The following RPH3A variants were observed in gnomAD, a reference collection of about 807,000 sequenced individuals.
RPH3A encodes rabphilin-3A.
RPH3A carries 48 observed loss-of-function variants against 102.2 expected under a neutral mutation model. That is an observed-to-expected ratio of 0.47 (90% CI 0.37 to 0.60). The LOEUF is 0.60. Ranked by LOEUF, RPH3A falls within the 20% of genes least tolerant of loss-of-function variation. The probability of loss-of-function intolerance (pLI) is 0.00; values close to 1 mark genes in which losing one functional copy is unlikely to be tolerated. For missense variants in RPH3A, 781 were observed against 910.1 expected, an observed-to-expected ratio of 0.86 and a Z score of 1.83; for synonymous variants, 310 against 324.3, an observed-to-expected ratio of 0.96 and a Z score of 0.47.
At chr12:112,740,927 T>C (rs925315709) in intron 1 of RPH3A, among the ~76,000 whole-genome samples, 1 of 152,188 alleles carries the variant, frequency 6.6e-6, no homozygotes, top group Non-Finnish European at 1.5e-5. Context: ...TCATGTATTG[T>C]AGGATGTCCA....
chr12:112,734,430 G>C (rs979178000), intron 1 of RPH3A, among the ~76,000 whole-genome samples: 2 of 152,174 alleles, frequency 1.3e-5, no homozygotes, highest in Non-Finnish European at 2.9e-5. Flanking sequence ...ATTACGTGAC[G>C]TGTGACTGTA....
chr12:112,593,696 G>A (rs1190140540), intron 1 of RPH3A, among the ~76,000 whole-genome samples: 2 of 152,224 alleles, frequency 1.3e-5, no homozygotes, highest in Non-Finnish European at 2.9e-5. Context: ...ATTGAGTGCT[G>A]TCTATTGTGC....
intron 1 of RPH3A, among the ~76,000 whole-genome samples, chr12:112,596,708 C>T (rs1367899069): frequency 6.6e-6 from 1 of 152,130 alleles, no homozygotes; most frequent in South Asian, 2.1e-4. Context: ...AGGTTGTTTG[C>T]ATATCTATAT....
At chr12:112,614,257 AAC>A (rs1334945806) in intron 1 of RPH3A, among the ~76,000 whole-genome samples, 2 of 152,216 alleles carry the variant, frequency 1.3e-5, no homozygotes, top group Non-Finnish European at 2.9e-5. Flanking sequence ...TGGGAAATAG[AAC>A]ACCAGATGTT....
intron 1 of RPH3A, among the ~76,000 whole-genome samples, chr12:112,732,227 C>G (rs542130601): frequency 6.6e-6 from 1 of 152,258 alleles, no homozygotes; most frequent in South Asian, 2.1e-4. Flanking sequence ...TCAGGCCACT[C>G]TCTATTACCT....
chr12:112,849,499 A>G (rs1488447014), intron 5 of RPH3A, among the ~76,000 whole-genome samples: 5 of 152,044 alleles, frequency 3.3e-5, no homozygotes, highest in African/African-American at 1.2e-4. Flanking sequence ...GGAAGGAAAG[A>G]TATGTATGTT....
chr12:112,797,300 A>G (rs1014018523), intron 2 of RPH3A, among the ~76,000 whole-genome samples: 3 of 152,214 alleles, frequency 2.0e-5, no homozygotes, highest in African/African-American at 7.2e-5. Flanking sequence ...ATGAGAAGCT[A>G]TAAGAGCCTT....
chr12:112,679,259 T>G (rs1299289443), intron 1 of RPH3A, among the ~76,000 whole-genome samples: 1 of 152,052 alleles, frequency 6.6e-6, no homozygotes. Flanking sequence ...GTTCAAGTGA[T>G]TCTTCTGCCT....
At chr12:112,727,458 GACACACACAC>G (rs60493848) in intron 1 of RPH3A, among the ~76,000 whole-genome samples, 13 of 30,614 alleles carry the variant, frequency 4.2e-4, no homozygotes, top group Admixed American at 4.2e-3. Flanking sequence ...CACAGACACA[GACACACACAC>G]ACACACACAC....
intron 1 of RPH3A, among the ~76,000 whole-genome samples, chr12:112,706,957 G>A (rs1208450719): frequency 6.6e-6 from 1 of 152,082 alleles, no homozygotes; most frequent in East Asian, 1.9e-4. Flanking sequence ...TGGTTTCTCC[G>A]GGGAAGCCAG....
At chr12:112,784,274 A>C (rs762506402) in intron 1 of RPH3A, among the ~76,000 whole-genome samples, 3 of 152,106 alleles carry the variant, frequency 2.0e-5, no homozygotes, top group Non-Finnish European at 2.9e-5. Flanking sequence ...TCACTTGTTC[A>C]AATTCAGTCC....
intron 16 of RPH3A, 23 bp downstream of exon 16, chr12:112,883,425 A>G: frequency 6.3e-7 from 1 of 1,576,620 alleles, no homozygotes; most frequent in Non-Finnish European, 8.7e-7. Context: ...CAGAGGGCAG[A>G]GAGGGAGGCA....
intron 1 of RPH3A, among the ~76,000 whole-genome samples, chr12:112,579,151 GT>G (rs1229750356): frequency 2.0e-5 from 3 of 152,198 alleles, no homozygotes; most frequent in Admixed American, 1.3e-4. Context: ...GCCTGCCCTG[GT>G]ATTTATACTT....
At chr12:112,873,568 G>A (rs2042742385) in intron 10 of RPH3A, among the ~76,000 whole-genome samples, 1 of 152,158 alleles carries the variant, frequency 6.6e-6, no homozygotes, top group Non-Finnish European at 1.5e-5. Flanking sequence ...CCTACCTCTT[G>A]GAGCGGCTTA....
chr12:112,755,298 T>TATACAC (rs1489083022), intron 1 of RPH3A, among the ~76,000 whole-genome samples: 394 of 145,878 alleles, frequency 2.7e-3, no homozygotes, highest in Middle Eastern at 7.2e-3. Context: ...TATATGTATA[T>TATACAC]ACACACACAC....
chr12:112,672,519 C>T (rs935794214), intron 1 of RPH3A, among the ~76,000 whole-genome samples: 1 of 152,128 alleles, frequency 6.6e-6, no homozygotes, highest in Non-Finnish European at 1.5e-5. Flanking sequence ...GGTGAGATGA[C>T]GTGACACACC....
At chr12:112,780,558 T>A (rs145183735) in intron 1 of RPH3A, among the ~76,000 whole-genome samples, 1,788 of 152,332 alleles carry the variant, frequency 0.012, 17 homozygotes, top group Admixed American at 0.021. Flanking sequence ...CCAGATAACA[T>A]TGGCATTTTC....
At chr12:112,876,559 C>A in intron 12 of RPH3A, 83 bp from the exon 13 acceptor site, 1 of 994,218 alleles carries the variant, frequency 1.0e-6, no homozygotes, top group Non-Finnish European at 1.5e-6. Flanking sequence ...GCCAGGAATC[C>A]GCATCTTTTG....
upstream of RPH3A, among the ~76,000 whole-genome samples, chr12:112,788,513 T>TGG (rs1294667473): frequency 6.6e-6 from 1 of 152,084 alleles, no homozygotes; most frequent in African/African-American, 2.4e-5. Context: ...GTTGTGTGAG[T>TGG]TTGGGGGCTT....
Sources: gnomAD v4.1 joint callset for allele counts (sites outside exome capture counted in the v4.1 genomes callset) on GRCh38, gnomAD v4.1.1 for gene constraint, MANE v1.5 for transcripts, NCBI Gene and HGNC (gene_info 2026-07-23, HGNC 2026-07-21) for gene names.